HLCS: variants seen among roughly 807,000 people sequenced by gnomAD.
The protein encoded by HLCS is holocarboxylase synthetase, also known as biotin--protein ligase.
HLCS carries 53 observed loss-of-function variants against 75.0 expected under a neutral mutation model. The ratio of observed to expected loss-of-function variants is 0.71; its 90% CI spans 0.57 to 0.89. The LOEUF is 0.89. HLCS is among the 40% of genes least tolerant of loss of function. The pLI is 0.00. For synonymous variants in HLCS, 431 were observed against 428.6 expected, an observed-to-expected ratio of 1.01 and a Z score of -0.07; for missense variants, 966 against 1,074.0, an observed-to-expected ratio of 0.90 and a Z score of 1.41.
At chr21:36,859,894 C>T (rs942194119) in intron 6 of HLCS, among the ~76,000 whole-genome samples, 1 of 152,202 alleles carries the variant, frequency 6.6e-6, no homozygotes, top group African/African-American at 2.4e-5. Context: ...AAGACGGTTT[C>T]GCAATAATCA....
chr21:36,814,771 C>A (rs1451616297), intron 6 of HLCS, among the ~76,000 whole-genome samples: 3 of 152,148 alleles, frequency 2.0e-5, no homozygotes, highest in Non-Finnish European at 4.4e-5. Context: ...TGGATAGGGT[C>A]GTGGAGTCTG....
intron 1 of HLCS, among the ~76,000 whole-genome samples, chr21:36,988,287 T>C (rs2069266437): frequency 6.6e-6 from 1 of 152,200 alleles, no homozygotes; most frequent in Non-Finnish European, 1.5e-5. Flanking sequence ...GATACTTGAA[T>C]GTTTCACACA....
intron 6 of HLCS, among the ~76,000 whole-genome samples, chr21:36,838,325 CACA>C (rs2062489029): frequency 6.6e-6 from 1 of 151,646 alleles, no homozygotes; most frequent in Non-Finnish European, 1.5e-5. Flanking sequence ...CACACACACA[CACA>C]CCCCCACAAC....
chr21:36,846,861 C>T (rs1362119109), intron 6 of HLCS, among the ~76,000 whole-genome samples: 1 of 152,168 alleles, frequency 6.6e-6, no homozygotes, highest in Non-Finnish European at 1.5e-5. Context: ...TGTCAACAAA[C>T]CCCGTCTTGG....
intron 2 of HLCS, among the ~76,000 whole-genome samples, chr21:36,941,805 G>C (rs1196662659): frequency 6.6e-6 from 1 of 152,184 alleles, no homozygotes; most frequent in Non-Finnish European, 1.5e-5. Flanking sequence ...AGGAGCTCGA[G>C]ACCAGCTTGG....
chr21:36,907,071 C>A (rs1306601063), intron 5 of HLCS, among the ~76,000 whole-genome samples: 1 of 152,118 alleles, frequency 6.6e-6, no homozygotes, highest in Non-Finnish European at 1.5e-5. Flanking sequence ...AGATAACTGA[C>A]TTGAAAAATG....
chr21:36,785,286 G>A (rs958263362), intron 6 of HLCS, among the ~76,000 whole-genome samples: 2 of 152,138 alleles, frequency 1.3e-5, no homozygotes, highest in African/African-American at 4.8e-5. Flanking sequence ...CACTCAGTGG[G>A]ACAAGGGGCC....
chr21:36,876,847 T>C (rs568843541), intron 6 of HLCS, among the ~76,000 whole-genome samples: 108 of 152,366 alleles, frequency 7.1e-4, no homozygotes, highest in African/African-American at 2.5e-3. Context: ...TAAGAGAGCA[T>C]TGCTGAAATC....
intron 5 of HLCS, among the ~76,000 whole-genome samples, chr21:36,916,517 A>ATTTTTTTTTTTTTTTTTTTTTTT (rs1569188583): frequency 7.3e-6 from 1 of 136,540 alleles, no homozygotes. Context: ...ATGCCTAGCT[A>ATTTTTTTTTTTTTTTTTTTTTTT]ATTTTTTTTT....
chr21:36,832,911 C>A (rs776975950), intron 6 of HLCS, among the ~76,000 whole-genome samples: 15 of 152,170 alleles, frequency 9.9e-5, no homozygotes, highest in South Asian at 2.1e-4. Flanking sequence ...TAGCACCACA[C>A]TTTTGGTTCC....
chr21:36,925,205 A>G (rs1282677548), intron 5 of HLCS, among the ~76,000 whole-genome samples: 1 of 151,996 alleles, frequency 6.6e-6, no homozygotes, highest in African/African-American at 2.4e-5. Flanking sequence ...AATCACACAA[A>G]CACACCTCAT....
intron 7 of HLCS, among the ~76,000 whole-genome samples, chr21:36,765,701 C>T (rs1428515892): frequency 6.6e-6 from 1 of 152,162 alleles, no homozygotes; most frequent in East Asian, 1.9e-4. Flanking sequence ...GGTTGGAGTG[C>T]AGTGCGTGTG....
In HLCS at chr21:36,887,056, G is replaced by A. The variant is rs139318951; in HGVS notation, c.1892+9804C>T. Among the ~76,000 whole-genome samples the A allele has an allele frequency of 1.5e-3, 233 of 151,896 alleles. 1 individual carries two copies. Among genetic ancestry groups the A allele is most frequent in the African/African-American group, 5.4e-3 (224 of 41,388 alleles). The stretch of plus-strand genomic sequence containing the variant: ...GGGGCAGGATAATTGCTTGATCCCC[G>A]GAGACAGAGGTTGCAGTGAGCCAAG... On this transcript the variant is annotated intron_variant, in intron 6 of 10. Coordinates refer to ENST00000674895, the MANE Select transcript of HLCS (RefSeq NM_001352514.2).
intron 6 of HLCS, among the ~76,000 whole-genome samples, chr21:36,784,818 C>G (rs770204981): frequency 6.6e-6 from 1 of 152,078 alleles, no homozygotes; most frequent in Non-Finnish European, 1.5e-5. Context: ...TTCATCAGTT[C>G]TGTGCTATGT....
intron 4 of HLCS, among the ~76,000 whole-genome samples, chr21:36,932,302 T>A (rs2066682893): frequency 6.6e-6 from 1 of 152,216 alleles, no homozygotes; most frequent in Non-Finnish European, 1.5e-5. Flanking sequence ...TTTATATCAA[T>A]TAGCCTATGG....
At chr21:36,777,198 G>A (rs957504343) in intron 6 of HLCS, among the ~76,000 whole-genome samples, 1 of 152,172 alleles carries the variant, frequency 6.6e-6, no homozygotes, top group East Asian at 1.9e-4. Flanking sequence ...GCATTACACA[G>A]AACAGTTTCC....
At chr21:36,859,257 G>A (rs776265996) in intron 6 of HLCS, among the ~76,000 whole-genome samples, 16 of 152,266 alleles carry the variant, frequency 1.1e-4, no homozygotes, top group Admixed American at 2.0e-4. Flanking sequence ...TCCTGACCTC[G>A]TGATCTGCCC....
chr21:36,960,010 G>T (rs1027154699), intron 2 of HLCS, among the ~76,000 whole-genome samples: 5 of 152,072 alleles, frequency 3.3e-5, no homozygotes, highest in African/African-American at 1.2e-4. Flanking sequence ...GGGGCTCTGC[G>T]GTTCCCAGCG....
At chr21:36,923,135 T>G (rs536153265) in intron 5 of HLCS, among the ~76,000 whole-genome samples, 1 of 152,304 alleles carries the variant, frequency 6.6e-6, no homozygotes, top group African/African-American at 2.4e-5. Context: ...CCGGCACCAG[T>G]ATGGGCTTAT....
Sources: gnomAD v4.1 joint callset for allele counts (sites outside exome capture counted in the v4.1 genomes callset) on GRCh38, gnomAD v4.1.1 for gene constraint, MANE v1.5 for transcripts, NCBI Gene and HGNC (gene_info 2026-07-23, HGNC 2026-07-21) for gene names.